The following GLCE variants were observed in gnomAD, a reference collection of about 807,000 sequenced individuals.
The protein encoded by GLCE is D-glucuronyl C5-epimerase.
GLCE carries 19 observed loss-of-function variants against 47.9 expected under a neutral mutation model. That is an observed-to-expected ratio of 0.40 (90% CI 0.28 to 0.58). The LOEUF (loss-of-function observed/expected upper bound fraction) is 0.58. GLCE is among the 20% of genes least tolerant of loss of function. GLCE has a pLI of 0.48. For synonymous variants in GLCE, 245 were observed against 263.4 expected, an observed-to-expected ratio of 0.93 and a Z score of 0.68; for missense variants, 556 against 743.3, an observed-to-expected ratio of 0.75 and a Z score of 2.93.
At chr15:69,237,330 C>T (rs1046480986) in intron 2 of GLCE, among the ~76,000 whole-genome samples, 3 of 152,138 alleles carry the variant, frequency 2.0e-5, no homozygotes, top group Non-Finnish European at 4.4e-5. Flanking sequence ...TGCGGTGGCT[C>T]ATGCCTGTAA....
At chr15:69,258,143 C>T (rs1260601219) in intron 3 of GLCE, among the ~76,000 whole-genome samples, 2 of 152,006 alleles carry the variant, frequency 1.3e-5, no homozygotes, top group African/African-American at 4.8e-5. Flanking sequence ...TCCTCGCCCG[C>T]CACCTACCCT....
chr15:69,161,491 T>C (rs1595727644), intron 1 of GLCE, among the ~76,000 whole-genome samples: 1 of 151,726 alleles, frequency 6.6e-6, no homozygotes, highest in African/African-American at 2.4e-5. Flanking sequence ...CTCCAGTCTT[T>C]TGGGGGCGAC....
intron 1 of GLCE, among the ~76,000 whole-genome samples, chr15:69,166,357 A>G (rs1168446886): frequency 4.6e-5 from 7 of 152,214 alleles, no homozygotes. Context: ...ATGACTGCTT[A>G]TTCAGTGTTT....
intron 1 of GLCE, among the ~76,000 whole-genome samples, chr15:69,174,715 A>G (rs2051636395): frequency 6.6e-6 from 1 of 152,176 alleles, no homozygotes; most frequent in African/African-American, 2.4e-5. Flanking sequence ...ACAGTAAACC[A>G]TTTTATTCAC....
At chr15:69,168,842 G>C (rs1219112668) in intron 1 of GLCE, among the ~76,000 whole-genome samples, 2 of 152,084 alleles carry the variant, frequency 1.3e-5, no homozygotes, top group Non-Finnish European at 1.5e-5. Context: ...CATCCATTCT[G>C]TTTTTTAAAA....
chr15:69,223,535 ATAC>A (rs2052405438), intron 2 of GLCE, among the ~76,000 whole-genome samples: 2 of 152,308 alleles, frequency 1.3e-5, no homozygotes, highest in South Asian at 4.1e-4. Flanking sequence ...TAGTTTCATT[ATAC>A]TATATCCCAA....
chr15:69,269,283 A>G lies in GLCE; in HGVS notation c.*39A>G, dbSNP rs2053132260. 3 of 1,498,348 alleles carry G rather than the reference A, an allele frequency of 2.0e-6. No homozygotes were observed. The highest frequency in any genetic ancestry group is 2.8e-6 in the Non-Finnish European group (3 of 1,081,410). The allele number at this position is 1,498,348 out of a possible 1,614,324, so 92.8% of individuals were successfully genotyped here. A position where few individuals can be genotyped will look rare whatever the true frequency, so the allele number is the denominator to read the frequency against. On this transcript the variant is annotated 3_prime_UTR_variant, in exon 5 of 5. Coordinates refer to ENST00000261858, the MANE Select transcript of GLCE (RefSeq NM_015554.3). ...AACTGCACTTCAGCCTCTGCTGTACACAGAAACTACAGGCTCTGTCTCAGG... is the reference window on the plus strand; with the variant it reads ...AACTGCACTTCAGCCTCTGCTGTACGCAGAAACTACAGGCTCTGTCTCAGG...
At chr15:69,209,200 C>G (rs1289362178) in intron 1 of GLCE, among the ~76,000 whole-genome samples, 1 of 151,774 alleles carries the variant, frequency 6.6e-6, no homozygotes, top group Non-Finnish European at 1.5e-5. Flanking sequence ...TTAAAGCATT[C>G]TGTAATAATG....
intron 2 of GLCE, among the ~76,000 whole-genome samples, chr15:69,212,529 G>A (rs1445176691): frequency 1.3e-5 from 2 of 151,896 alleles, no homozygotes; most frequent in East Asian, 1.9e-4. Flanking sequence ...TTAAAGACAG[G>A]CATAGGATTT....
At chr15:69,248,666 G>T (rs561709804) in intron 2 of GLCE, among the ~76,000 whole-genome samples, 1 of 151,802 alleles carries the variant, frequency 6.6e-6, no homozygotes, top group African/African-American at 2.4e-5. Context: ...TCACTCTGTC[G>T]CCCAGGCTGG....
intron 2 of GLCE, among the ~76,000 whole-genome samples, chr15:69,251,845 T>A (rs959624053): frequency 1.7e-4 from 26 of 152,222 alleles, no homozygotes; most frequent in African/African-American, 5.5e-4. Flanking sequence ...TTTGCCATGA[T>A]GTTATATATT....
chr15:69,246,304 T>C (rs1013195867), intron 2 of GLCE, among the ~76,000 whole-genome samples: 22 of 152,228 alleles, frequency 1.4e-4, no homozygotes, highest in African/African-American at 4.8e-4. Context: ...ATATTCTTAA[T>C]GGCATCTAGA....
intron 4 of GLCE, among the ~76,000 whole-genome samples, chr15:69,267,856 T>TTC (rs2053107461): frequency 6.6e-6 from 1 of 151,734 alleles, no homozygotes. Flanking sequence ...TTTTTTTTTT[T>TTC]TCTGTTTGCA....
intron 1 of GLCE, among the ~76,000 whole-genome samples, chr15:69,162,897 A>G (rs2051446725): frequency 6.6e-6 from 1 of 152,136 alleles, no homozygotes; most frequent in South Asian, 2.1e-4. Context: ...CTTAGATACA[A>G]TTTTTTTTAA....
intron 1 of GLCE, among the ~76,000 whole-genome samples, chr15:69,185,367 A>G (rs531965674): frequency 6.6e-6 from 1 of 152,320 alleles, no homozygotes; most frequent in Non-Finnish European, 1.5e-5. Flanking sequence ...TGACTTAGCT[A>G]TCATTTACAT....
At chr15:69,229,535 T>A (rs1179022276) in intron 2 of GLCE, among the ~76,000 whole-genome samples, 2 of 152,186 alleles carry the variant, frequency 1.3e-5, no homozygotes, top group African/African-American at 4.8e-5. Context: ...AAAGTCTTTT[T>A]TTCTCTCATT....
At chr15:69,233,909 G>A (rs1307718195) in intron 2 of GLCE, among the ~76,000 whole-genome samples, 1 of 151,692 alleles carries the variant, frequency 6.6e-6, no homozygotes, top group African/African-American at 2.4e-5. Context: ...GTTGCAGGAA[G>A]AAAACTCATA....
intron 1 of GLCE, among the ~76,000 whole-genome samples, chr15:69,193,029 A>G (rs575783203): frequency 3.3e-5 from 5 of 152,082 alleles, no homozygotes; most frequent in African/African-American, 1.2e-4. Context: ...ACTGCTGTGC[A>G]TTTTTTGGGA....
At chr15:69,223,762 AG>A (rs2052408581) in intron 2 of GLCE, among the ~76,000 whole-genome samples, 1 of 149,460 alleles carries the variant, frequency 6.7e-6, no homozygotes, top group Non-Finnish European at 1.5e-5. Flanking sequence ...ATTTTTCTTC[AG>A]TCTTTTTTTT....
Sources: gnomAD v4.1 joint callset for allele counts (sites outside exome capture counted in the v4.1 genomes callset) on GRCh38, gnomAD v4.1.1 for gene constraint, MANE v1.5 for transcripts, NCBI Gene and HGNC (gene_info 2026-07-23, HGNC 2026-07-21) for gene names.